PIK3C2A: variants seen among roughly 807,000 people sequenced by gnomAD.
The protein encoded by PIK3C2A is phosphatidylinositol 4-phosphate 3-kinase C2 domain-containing subunit alpha.
Under a neutral mutation model 204.5 loss-of-function variants are expected in PIK3C2A, and 97 were observed. The observed-to-expected ratio is 0.47, with a 90% CI of 0.40 to 0.56. PIK3C2A has a LOEUF of 0.56. Ranked by LOEUF, PIK3C2A falls within the 20% of genes least tolerant of loss-of-function variation. PIK3C2A has a pLI of 0.00. For missense variants in PIK3C2A, 1,735 were observed against 1,969.2 expected (o/e 0.88, Z 2.25); for synonymous variants, 653 against 664.4 (o/e 0.98, Z 0.26).
At chr11:17,148,385 A>G in intron 5 of PIK3C2A, 1 of 308,194 alleles carries the variant, frequency 3.2e-6, no homozygotes, top group Non-Finnish European at 6.1e-6. Flanking sequence ...AGTAAGAAAG[A>G]CCCATTATAT....
In PIK3C2A at chr11:17,089,792, G is replaced by C; in HGVS notation, c.5007C>G (p.Asn1669Lys). ...ACCATTTAACCGTCTCTTTGCTCAA[G>C]TTGAAATCTTTCAAAGGCAGGGTTA... Reference protein sequence around the residue: ...GGVTLPLKDFNLSKETVKWYQ... With the variant: ...GGVTLPLKDFKLSKETVKWYQ... The change falls in exon 33 of 33, where the codon AAC becomes AAG. Residue 1669 changes from asparagine (N) to lysine (K), a missense_variant. By Grantham distance (94) the Asn-to-Lys change is moderately conservative. Around this residue, in one of 6 missense-constraint regions of PIK3C2A, gnomAD observed 503 missense variants for 669.0 expected, o/e 0.75. Coordinates refer to ENST00000691414, the MANE Select transcript of PIK3C2A (RefSeq NM_002645.4). 3 of 1,613,952 alleles carry C rather than the reference G, an allele frequency of 1.9e-6. No homozygotes were observed. The highest frequency in any genetic ancestry group is 2.5e-6 in the Non-Finnish European group (3 of 1,179,842).
chr11:17,093,692 C>T (rs560371869), intron 28 of PIK3C2A, among the ~76,000 whole-genome samples: 193 of 151,334 alleles, frequency 1.3e-3, no homozygotes, highest in Middle Eastern at 6.9e-3. Context: ...GGCTGTAATG[C>T]AGTGATGTGA....
At chr11:17,119,664 A>G (rs1849310967) in intron 16 of PIK3C2A, 122 bp downstream of exon 16, 1 of 597,062 alleles carries the variant, frequency 1.7e-6, no homozygotes, top group Admixed American at 3.6e-5. Flanking sequence ...ATAAATATAC[A>G]TTTACACATT....
chr11:17,125,828 T>A (rs566904408), intron 13 of PIK3C2A, among the ~76,000 whole-genome samples: 163 of 152,206 alleles, frequency 1.1e-3, no homozygotes, highest in African/African-American at 3.7e-3. Flanking sequence ...AAAAAAACTT[T>A]GTCATATCAA....
At chr11:17,137,464 G>C (rs1381550833) in intron 8 of PIK3C2A, among the ~76,000 whole-genome samples, 2 of 136,572 alleles carry the variant, frequency 1.5e-5, no homozygotes, top group Non-Finnish European at 3.0e-5. Context: ...GCCCAGGCTG[G>C]AGTGCAGTGG....
intron 11 of PIK3C2A, among the ~76,000 whole-genome samples, chr11:17,134,139 A>T (rs1849792696): frequency 6.6e-6 from 1 of 152,178 alleles, no homozygotes; most frequent in Non-Finnish European, 1.5e-5. Context: ...TTAGTCATTT[A>T]AACACCAAGA....
At chr11:17,187,767 G>T (rs1183258859) in intron 1 of PIK3C2A, among the ~76,000 whole-genome samples, 1 of 152,016 alleles carries the variant, frequency 6.6e-6, no homozygotes, top group Non-Finnish European at 1.5e-5. Context: ...GAAAAAGACT[G>T]AGAGGCACAG....
intron 1 of PIK3C2A, among the ~76,000 whole-genome samples, chr11:17,191,700 C>T (rs1851950007): frequency 6.6e-6 from 1 of 152,150 alleles, no homozygotes; most frequent in Non-Finnish European, 1.5e-5. Flanking sequence ...GGGAACCTCC[C>T]CAGCCCCCAG....
chr11:17,202,524 A>T (rs1852423932), intron 1 of PIK3C2A, among the ~76,000 whole-genome samples: 1 of 152,040 alleles, frequency 6.6e-6, no homozygotes, highest in Non-Finnish European at 1.5e-5. Context: ...CAGTAGGCTG[A>T]GATGGAGCCA....
At chr11:17,165,853 C>T (rs1288591579) in intron 2 of PIK3C2A, among the ~76,000 whole-genome samples, 3 of 149,056 alleles carry the variant, frequency 2.0e-5, no homozygotes, top group Non-Finnish European at 4.4e-5. Flanking sequence ...CAGAACTTTG[C>T]TGCTTGCAAA....
rs1464463461 is a variant in PIK3C2A at position 17,087,084 on chromosome 11, C to G, written c.*2654G>C. 2.0e-5 allele frequency: 3 copies of G among 152,130 alleles called. No homozygotes were observed. The highest frequency in any genetic ancestry group is 4.4e-5 in the Non-Finnish European group (3 of 67,998). The allele number at this position is 152,130 out of a possible 1,614,324, so 9.4% of individuals were successfully genotyped here. A position where few individuals can be genotyped will look rare whatever the true frequency, so the allele number is the denominator to read the frequency against. ...ATAGGTTCTTTGAGTGAACCATTAT[C>G]TTCAAATCCCAAAACACTGGCAAGA... On this transcript the variant is annotated 3_prime_UTR_variant, in exon 33 of 33. Coordinates refer to ENST00000691414, the MANE Select transcript of PIK3C2A (RefSeq NM_002645.4).
intron 6 of PIK3C2A, among the ~76,000 whole-genome samples, chr11:17,147,222 C>T (rs181560564): frequency 1.7e-4 from 26 of 152,138 alleles, no homozygotes; most frequent in Non-Finnish European, 8.8e-5. Context: ...TTCCTTCTTC[C>T]CCATTTTTCC....
Position 17,092,146 on chromosome 11 carries a change from TTAGTA to T in PIK3C2A, c.4569+8_4569+12del, listed in dbSNP as rs752194213. ...GGTATAAGATGTTATTACTTCTCAT[TTAGTA>T]AGGTTACCTCTGCTACATCCGTTGA... On this transcript the variant is annotated splice_region_variant and intron_variant, in intron 29 of 32. Coordinates refer to ENST00000691414, the MANE Select transcript of PIK3C2A (RefSeq NM_002645.4). The T allele has an allele frequency of 3.4e-5, 51 of 1,497,480 alleles. No individual in the cohort carries two copies. In the South Asian group the frequency reaches 5.6e-4, roughly 17 times the overall value. 92.8% of individuals were successfully genotyped at this position (1,497,480 alleles called of 1,614,324 possible). A position where few individuals can be genotyped will look rare whatever the true frequency, so the allele number is the denominator to read the frequency against.
intron 1 of PIK3C2A, among the ~76,000 whole-genome samples, chr11:17,188,154 A>G (rs1851818991): frequency 6.6e-6 from 1 of 151,852 alleles, no homozygotes; most frequent in East Asian, 1.9e-4. Context: ...CCTGGCCAAC[A>G]TGGCGAAACC....
chr11:17,202,573 CAAA>C (rs201496259), intron 1 of PIK3C2A, among the ~76,000 whole-genome samples: 1 of 139,204 alleles, frequency 7.2e-6, no homozygotes. Flanking sequence ...GAACCTCCCT[CAAA>C]AAAAAAAAAG....
At chr11:17,185,941 C>A (rs965262923) in intron 1 of PIK3C2A, among the ~76,000 whole-genome samples, 1 of 152,160 alleles carries the variant, frequency 6.6e-6, no homozygotes, top group African/African-American at 2.4e-5. Flanking sequence ...CACTCCTCTG[C>A]ACAGAATTTT....
At chr11:17,099,224 T>C (rs1848545942) in intron 26 of PIK3C2A, among the ~76,000 whole-genome samples, 1 of 152,172 alleles carries the variant, frequency 6.6e-6, no homozygotes, top group South Asian at 2.1e-4. Flanking sequence ...CAATAACAAA[T>C]TCAAGTACCA....
At chr11:17,091,684 T>C (rs2137260254) in intron 30 of PIK3C2A, 28 bp from the exon 31 acceptor site, 1 of 1,410,832 alleles carries the variant, frequency 7.1e-7, no homozygotes, top group East Asian at 2.3e-5. Context: ...TTCATCTTTA[T>C]TTACTGGTTG....
intron 2 of PIK3C2A, among the ~76,000 whole-genome samples, chr11:17,168,377 C>G (rs937191445): frequency 2.6e-5 from 4 of 152,006 alleles, no homozygotes; most frequent in African/African-American, 9.7e-5. Flanking sequence ...GTCAGGAGAT[C>G]GAGACCATTC....
Sources: gnomAD v4.1 joint callset for allele counts (sites outside exome capture counted in the v4.1 genomes callset) on GRCh38, gnomAD v4.1.1 for gene constraint, gnomAD v4.1.1 regional missense constraint, MANE v1.5 for transcripts, NCBI Gene and HGNC (gene_info 2026-07-23, HGNC 2026-07-21) for gene names.